Variants in GFI1B observed in about 807,000 individuals in gnomAD.
GFI1B encodes zinc finger protein Gfi-1b.
A neutral mutation model predicts 35.3 loss-of-function variants in GFI1B; 20 were observed. The observed-to-expected ratio is 0.57, with a 90% CI of 0.40 to 0.82. The LOEUF is 0.82. GFI1B is among the 40% of genes least tolerant of loss of function. The pLI is 0.00. For missense variants in GFI1B, 430 were observed against 446.3 expected (o/e 0.96, Z 0.33); for synonymous variants, 178 against 177.6 (o/e 1.00, Z -0.02).
In GFI1B at chr9:132,989,992, G is replaced by A; in HGVS notation, c.814+85G>A. The A allele has an allele frequency of 8.2e-7, 1 of 1,213,424 alleles. No individual in the cohort carries two copies. The highest frequency in any genetic ancestry group is 1.2e-6 in the Non-Finnish European group (1 of 831,402). The allele number at this position is 1,213,424 out of a possible 1,614,324, so 75.2% of individuals were successfully genotyped here. A position where few individuals can be genotyped will look rare whatever the true frequency, so the allele number is the denominator to read the frequency against. ...GATGCATCAGAGGCCCCCAGCGTGAGGCTGGGGGCGGGGTCTAGTTACAAA... is the reference window on the plus strand; with the variant it reads ...GATGCATCAGAGGCCCCCAGCGTGAAGCTGGGGGCGGGGTCTAGTTACAAA... On this transcript the variant is annotated intron_variant, in intron 6 of 6. Transcript: ENST00000372122. This position sits in a 1 kb window ranked among gnomAD's most constrained non-coding sequence, Gnocchi z 6.2.
chr9:132,976,874 C>T (rs142320338), upstream of GFI1B, among the ~76,000 whole-genome samples: 62 of 152,118 alleles, frequency 4.1e-4, 1 homozygote, highest in East Asian at 0.01. Context: ...CCAGGGAGGT[C>T]GAGGCTGCAG....
At chr9:132,984,128 G>T (rs953188747) in intron 1 of GFI1B, among the ~76,000 whole-genome samples, 1 of 152,182 alleles carries the variant, frequency 6.6e-6, no homozygotes, top group Non-Finnish European at 1.5e-5. Flanking sequence ...GCGCAAAAAA[G>T]GATCATCTTT....
intron 1 of GFI1B, among the ~76,000 whole-genome samples, chr9:132,981,320 C>T (rs13291155): frequency 6.6e-4 from 100 of 152,308 alleles, no homozygotes; most frequent in South Asian, 6.2e-3. Flanking sequence ...TCTCCCCTTC[C>T]AATGATTTTG....
chr9:132,973,292 G>C (rs1395256454), intron 2 of GFI1B, among the ~76,000 whole-genome samples: 1 of 152,172 alleles, frequency 6.6e-6, no homozygotes, highest in Non-Finnish European at 1.5e-5. Flanking sequence ...CACGACCCCC[G>C]CACAGAGCTT....
chr9:132,955,732 AT>A (rs778847565), intron 1 of GFI1B, among the ~76,000 whole-genome samples: 14 of 151,812 alleles, frequency 9.2e-5, no homozygotes, highest in Admixed American at 2.0e-4. Flanking sequence ...TGGTTGATTG[AT>A]TTGAAATCAT....
chr9:132,954,614 GT>G (rs1316773993), intron 1 of GFI1B, among the ~76,000 whole-genome samples: 8 of 151,588 alleles, frequency 5.3e-5, no homozygotes, highest in Non-Finnish European at 1.0e-4. Flanking sequence ...AAGAAACAGG[GT>G]TTTGCTATGT....
intron 1 of GFI1B, among the ~76,000 whole-genome samples, chr9:132,957,472 C>T (rs1232349498): frequency 1.3e-5 from 2 of 152,184 alleles, no homozygotes; most frequent in Non-Finnish European, 2.9e-5. Flanking sequence ...ATTCATTCAA[C>T]AATGACATAC....
chr9:132,987,485 T>C, intron 3 of GFI1B, 66 bp downstream of exon 3: 1 of 1,585,902 alleles, frequency 6.3e-7, no homozygotes, highest in South Asian at 1.1e-5. Flanking sequence ...GAAGGGACTC[T>C]TGCAGCAGGG....
rs1324024482 is a variant in GFI1B, at chr9:132,991,611, G to C, written c.*561G>C. 1 of 159,200 alleles carries C rather than the reference G, an allele frequency of 6.3e-6. No individual in the cohort carries two copies. The highest frequency in any genetic ancestry group is 1.4e-5 in the Non-Finnish European group (1 of 71,914). The allele number at this position is 159,200 out of a possible 1,614,324, so 9.9% of individuals were successfully genotyped here. A position where few individuals can be genotyped will look rare whatever the true frequency, so the allele number is the denominator to read the frequency against. ...GATTCTAGCTCCACAACCAGGCCGT[G>C]AGGCTGGAGAAACTGGCAGTTATTG... is the stretch of plus-strand genomic sequence containing the variant. On this transcript the variant is annotated 3_prime_UTR_variant, in exon 7 of 7. Transcript: ENST00000372122.
intron 1 of GFI1B, among the ~76,000 whole-genome samples, chr9:132,970,997 T>G (rs528183869): frequency 8.5e-5 from 13 of 152,264 alleles, no homozygotes; most frequent in Non-Finnish European, 1.8e-4. Flanking sequence ...ACCATCCAGT[T>G]AAAGAGAGAA....
At chr9:132,975,858 T>C (rs1185945968), upstream of GFI1B, among the ~76,000 whole-genome samples, 1 of 152,194 alleles carries the variant, frequency 6.6e-6, no homozygotes, top group East Asian at 1.9e-4. Flanking sequence ...CTGGTAGCTT[T>C]ACAGGCAGCC....
At chr9:132,982,939 C>T (rs1848881451) in intron 1 of GFI1B, among the ~76,000 whole-genome samples, 1 of 152,148 alleles carries the variant, frequency 6.6e-6, no homozygotes, top group African/African-American at 2.4e-5. Flanking sequence ...CCAGCCCCAT[C>T]TTGCCCTGTG....
chr9:132,983,329 T>G (rs1848902344), intron 1 of GFI1B, among the ~76,000 whole-genome samples: 1 of 151,792 alleles, frequency 6.6e-6, no homozygotes, highest in South Asian at 2.1e-4. Flanking sequence ...CCTGAGTAGC[T>G]GGAACTGTAG....
In GFI1B at chr9:132,986,701, A is replaced by C; in HGVS notation, c.23A>C (p.Lys8Thr). The change falls in exon 2 of 7, where the codon AAG becomes ACG. Residue 8 changes from lysine (K) to threonine (T), a missense_variant. By Grantham distance (78) the Lys-to-Thr change is moderately conservative. Coordinates refer to ENST00000372122, the MANE Select transcript of GFI1B (RefSeq NM_001377304.1). MPRSFLV[K>T]SKKAHTYHQP... The stretch of plus-strand genomic sequence containing the variant: ...AAAATGCCACGCTCCTTCCTGGTGA[A>C]GAGCAAGAAGGCTCACACCTACCAC... 6.2e-7 allele frequency: 1 copy of C among 1,611,788 alleles called. No homozygotes were observed. Among genetic ancestry groups the C allele is most frequent in the South Asian group, 1.1e-5 (1 of 90,566 alleles).
At chr9:132,968,771 G>A (rs1013777263) in intron 1 of GFI1B, among the ~76,000 whole-genome samples, 1 of 152,062 alleles carries the variant, frequency 6.6e-6, no homozygotes, top group Non-Finnish European at 1.5e-5. Flanking sequence ...GAGGCATGGA[G>A]GTTTTGTGGT....
chr9:132,970,516 T>C (rs1005583247), intron 1 of GFI1B, among the ~76,000 whole-genome samples: 1 of 152,200 alleles, frequency 6.6e-6, no homozygotes, highest in Non-Finnish European at 1.5e-5. Context: ...CCACGCTTCC[T>C]GATCTGTGAC....
rs761044764 is a variant in GFI1B, at chr9:132,989,785, G to A, written c.692G>A (p.Arg231His). 5.0e-6 allele frequency: 8 copies of A among 1,613,884 alleles called. No homozygotes were observed. Among genetic ancestry groups the A allele is most frequent in the African/African-American group, 2.7e-5 (2 of 74,936 alleles). Residue 231 changes from arginine (R) to histidine (H), a missense_variant, in exon 6 of 7, where the codon CGC becomes CAC. Coordinates refer to ENST00000372122, the MANE Select transcript of GFI1B (RefSeq NM_001377304.1). The surrounding 1 kb of genome is among the most constrained non-coding windows in gnomAD (Gnocchi z 6.2). ...CGCATGTGCGGCAAGGCCTTCAAGC[G>A]CTCGTCCACGCTGTCCACCCACCTG... ...ECRMCGKAFKRSSTLSTHLLI... is the reference protein window; with the variant it reads ...ECRMCGKAFKHSSTLSTHLLI...
intron 1 of GFI1B, among the ~76,000 whole-genome samples, chr9:132,980,522 T>G (rs1848787507): frequency 1.3e-5 from 2 of 152,190 alleles, no homozygotes; most frequent in Non-Finnish European, 2.9e-5. Flanking sequence ...ATAAAATACA[T>G]ATAACATAAA....
intron 1 of GFI1B, among the ~76,000 whole-genome samples, chr9:132,980,732 C>T (rs563058881): frequency 1.3e-5 from 2 of 152,298 alleles, no homozygotes; most frequent in Admixed American, 6.5e-5. Context: ...TATGAAATTG[C>T]CTATTTTAGG....
Sources: allele counts gnomAD v4.1 joint callset (sites outside exome capture counted in the v4.1 genomes callset), GRCh38; gene constraint gnomAD v4.1.1; non-coding constraint Gnocchi (gnomAD v3.1); transcripts MANE v1.5; gene names NCBI Gene and HGNC (gene_info 2026-07-23, HGNC 2026-07-21).